CFAP107: variants seen among roughly 807,000 people sequenced by gnomAD.
CFAP107 encodes the protein cilia and flagella associated protein 107, also known as cilia- and flagella-associated protein 107.
At chr1:12,755,689 G>T in the CFAP107 span, 1 of 1,573,056 alleles carries the variant, frequency 6.4e-7, no homozygotes, top group Non-Finnish European at 8.8e-7. Context: ...TGAATATTTG[G>T]TCTTTTCCAG....
chr1:12,755,031 T>C, the CFAP107 span, among the ~76,000 whole-genome samples: 1 of 152,178 alleles, frequency 6.6e-6, no homozygotes, highest in Non-Finnish European at 1.5e-5. Flanking sequence ...TTTTACCATA[T>C]TAAACTTTAA....
At chr1:12,749,470 G>A in the CFAP107 span, among the ~76,000 whole-genome samples, 36 of 152,128 alleles carry the variant, frequency 2.4e-4, 1 homozygote, top group African/African-American at 8.4e-4. Context: ...AATTAGCTGG[G>A]CACAGTGGTA....
At chr1:12,747,988 T>C in the CFAP107 span, among the ~76,000 whole-genome samples, 1 of 152,142 alleles carries the variant, frequency 6.6e-6, no homozygotes, top group African/African-American at 2.4e-5. Context: ...GTCAAAGATA[T>C]ATAGCGACAA....
the CFAP107 span, among the ~76,000 whole-genome samples, chr1:12,757,435 G>T: frequency 6.7e-6 from 1 of 149,458 alleles, no homozygotes; most frequent in Admixed American, 6.7e-5. Context: ...AGGCTAGAGT[G>T]CAGTGGTGTG....
the CFAP107 span, chr1:12,759,310 G>C: frequency 6.2e-7 from 1 of 1,613,400 alleles, no homozygotes; most frequent in Non-Finnish European, 8.5e-7. Context: ...GTCCTTCCAG[G>C]GGCTACCTTA....
chr1:12,755,327 C>T, the CFAP107 span, among the ~76,000 whole-genome samples: 2 of 152,160 alleles, frequency 1.3e-5, no homozygotes, highest in Non-Finnish European at 2.9e-5. Context: ...ATTGCTTGAA[C>T]CCGAGAGGCA....
chr1:12,759,592 G>T, the CFAP107 span: 1 of 1,333,662 alleles, frequency 7.5e-7, no homozygotes. Context: ...GGTGACCCTG[G>T]CTCCAGGAGA....
chr1:12,746,362 A>T, the CFAP107 span: 2 of 1,340,370 alleles, frequency 1.5e-6, no homozygotes, highest in African/African-American at 2.9e-5. Context: ...CAACTTCATA[A>T]CACCTTCCTC....
chr1:12,747,190 C>T, the CFAP107 span, among the ~76,000 whole-genome samples: 1 of 152,038 alleles, frequency 6.6e-6, no homozygotes, highest in Non-Finnish European at 1.5e-5. Flanking sequence ...GCCTCAGCCT[C>T]CCAAGTAGCT....
the CFAP107 span, chr1:12,753,351 T>TG: frequency 2.4e-3 from 360 of 152,084 alleles, 2 homozygotes; most frequent in African/African-American, 8.1e-3. Flanking sequence ...GTTTTTTTTT[T>TG]TTGCAGACAT....
chr1:12,754,036 C>G, the CFAP107 span: 1 of 151,914 alleles, frequency 6.6e-6, no homozygotes, highest in Non-Finnish European at 1.5e-5. Flanking sequence ...TGGACGTCAT[C>G]AAAACAAAAA....
At chr1:12,752,500 G>C in the CFAP107 span, among the ~76,000 whole-genome samples, 1 of 143,264 alleles carries the variant, frequency 7.0e-6, no homozygotes, top group African/African-American at 2.6e-5. Context: ...CTGAGAGGTG[G>C]AGGTTGCAGT....
At chr1:12,761,421 G>T in the CFAP107 span, 1 of 153,494 alleles carries the variant, frequency 6.5e-6, no homozygotes, top group East Asian at 1.9e-4. Context: ...AAGGACCCCA[G>T]CTTGTCTGTC....
At chr1:12,758,635 C>T in the CFAP107 span, among the ~76,000 whole-genome samples, 1 of 152,150 alleles carries the variant, frequency 6.6e-6, no homozygotes. Flanking sequence ...CATTATGCCC[C>T]CTTGTAAGTC....
the CFAP107 span, among the ~76,000 whole-genome samples, chr1:12,758,168 T>C: frequency 1.3e-4 from 20 of 152,088 alleles, no homozygotes; most frequent in Non-Finnish European, 2.9e-4. Context: ...GATGTGGCCC[T>C]GCAGGGCATG....
At chr1:12,762,068 A>AT in the CFAP107 span, 1 of 152,144 alleles carries the variant, frequency 6.6e-6, no homozygotes. Flanking sequence ...TTTGTCAGTG[A>AT]TTTTGTACTG....
the CFAP107 span, chr1:12,760,931 C>T: frequency 6.2e-7 from 1 of 1,612,762 alleles, no homozygotes; most frequent in Non-Finnish European, 8.5e-7. Context: ...CCATCGCCTG[C>T]ATCCTCTCCC....
chr1:12,757,567 G>A, the CFAP107 span, among the ~76,000 whole-genome samples: 2,483 of 152,038 alleles, frequency 0.016, 34 homozygotes, highest in Middle Eastern at 0.031. Context: ...TGTATTTTTA[G>A]TAGAGATAGG....
At chr1:12,759,455 G>A in the CFAP107 span, 1 of 1,614,140 alleles carries the variant, frequency 6.2e-7, no homozygotes, top group Non-Finnish European at 8.5e-7. Flanking sequence ...AAGTTGCTGT[G>A]GCTGCCAGAG....
Sources: allele counts gnomAD v4.1 joint callset (sites outside exome capture counted in the v4.1 genomes callset), GRCh38; gene constraint gnomAD v4.1.1; transcripts MANE v1.5; gene names NCBI Gene and HGNC (gene_info 2026-07-23, HGNC 2026-07-21).